GCNT2: variants seen among roughly 807,000 people sequenced by gnomAD.
The protein encoded by GCNT2 is glucosaminyl (N-acetyl) transferase 2 (I blood group).
GCNT2 carries 34 observed loss-of-function variants against 34.2 expected under a neutral mutation model. The observed-to-expected ratio is 1.00, with a 90% CI of 0.76 to 1.32. The LOEUF (loss-of-function observed/expected upper bound fraction) is 1.32. Among genes scored for constraint, GCNT2 ranks in the 40% most tolerant of loss-of-function variants. The pLI, the probability that GCNT2 is intolerant of heterozygous loss-of-function variation, is 0.00. For missense variants in GCNT2, 584 were observed against 489.4 expected, an observed-to-expected ratio of 1.19 and a Z score of -1.82; for synonymous variants, 212 against 188.0, an observed-to-expected ratio of 1.13 and a Z score of -1.04.
chr6:10,537,529 T>C (rs569328052), intron 3 of GCNT2, among the ~76,000 whole-genome samples: 7 of 151,676 alleles, frequency 4.6e-5, no homozygotes, highest in Non-Finnish European at 1.0e-4. Flanking sequence ...GGTGAAACCC[T>C]GTCTCTACTA....
At chr6:10,622,317 A>T (rs1766069100) in intron 4 of GCNT2, among the ~76,000 whole-genome samples, 1 of 152,054 alleles carries the variant, frequency 6.6e-6, no homozygotes. Context: ...ATAGAAATTT[A>T]TTTAGTTCTA....
intron 3 of GCNT2, among the ~76,000 whole-genome samples, chr6:10,620,104 CA>C (rs1242688880): frequency 6.6e-6 from 1 of 152,208 alleles, no homozygotes; most frequent in Non-Finnish European, 1.5e-5. Context: ...TGTAAAATAA[CA>C]TATTCTCAGG....
intron 3 of GCNT2, among the ~76,000 whole-genome samples, chr6:10,579,738 C>T (rs1763978531): frequency 6.6e-6 from 1 of 151,290 alleles, no homozygotes; most frequent in Non-Finnish European, 1.5e-5. Flanking sequence ...ATGGCTTGAA[C>T]CCGGAAGGCG....
chr6:10,587,401 C>T (rs141509128), intron 3 of GCNT2, among the ~76,000 whole-genome samples: 42 of 152,254 alleles, frequency 2.8e-4, no homozygotes, highest in African/African-American at 1.0e-3. Flanking sequence ...TCACAAATCA[C>T]CATTCTGGCT....
At chr6:10,563,234 G>A (rs534967926) in intron 3 of GCNT2, among the ~76,000 whole-genome samples, 2 of 152,160 alleles carry the variant, frequency 1.3e-5, no homozygotes, top group East Asian at 1.9e-4. Context: ...GGGTGTGTGA[G>A]TGGATACAAC....
intron 3 of GCNT2, among the ~76,000 whole-genome samples, chr6:10,559,425 C>T (rs886183624): frequency 4.6e-5 from 7 of 152,220 alleles, no homozygotes; most frequent in African/African-American, 1.7e-4. Context: ...CTCACTGCAA[C>T]AGTGTGGCCC....
At chr6:10,547,296 A>G (rs1762313010) in intron 3 of GCNT2, among the ~76,000 whole-genome samples, 1 of 152,216 alleles carries the variant, frequency 6.6e-6, no homozygotes, top group African/African-American at 2.4e-5. Flanking sequence ...TAGCATTACT[A>G]TTTAATCCAC....
intron 3 of GCNT2, among the ~76,000 whole-genome samples, chr6:10,574,026 C>T (rs563583391): frequency 2.6e-5 from 4 of 152,322 alleles, no homozygotes; most frequent in East Asian, 1.9e-4. Context: ...AGATTTGTCA[C>T]GTACTAATTA....
chr6:10,626,661 C>A lies in GCNT2; in HGVS notation c.*54C>A. ...GGAAACTGCAGCTGGGAAGAGGAGCCTGTTTTTGTGAGAGACTTTTGCCTT... is the reference window on the plus strand; with the variant it reads ...GGAAACTGCAGCTGGGAAGAGGAGCATGTTTTTGTGAGAGACTTTTGCCTT... On this transcript the variant is annotated 3_prime_UTR_variant, in exon 5 of 5. Coordinates refer to ENST00000495262, the MANE Select transcript of GCNT2 (RefSeq NM_145649.5). The A allele has an allele frequency of 2.2e-6, 3 of 1,374,402 alleles. No individual in the cohort carries two copies. Among genetic ancestry groups the A allele is most frequent in the Non-Finnish European group, 3.1e-6 (3 of 963,122 alleles). The allele number at this position is 1,374,402 out of a possible 1,614,324, so 85.1% of individuals were successfully genotyped here.
chr6:10,593,318 TC>T (rs1424944957), intron 3 of GCNT2, among the ~76,000 whole-genome samples: 1 of 152,168 alleles, frequency 6.6e-6, no homozygotes, highest in African/African-American at 2.4e-5. Context: ...GACAGTTTTT[TC>T]TAGAAGCAGG....
intron 3 of GCNT2, among the ~76,000 whole-genome samples, chr6:10,574,202 C>T (rs537374611): frequency 7.2e-5 from 11 of 152,256 alleles, no homozygotes; most frequent in African/African-American, 9.6e-5. Context: ...CATCTGACTG[C>T]CCTGGCATAT....
chr6:10,592,137 G>T (rs772808079), intron 3 of GCNT2, among the ~76,000 whole-genome samples: 1 of 151,118 alleles, frequency 6.6e-6, no homozygotes, highest in Non-Finnish European at 1.5e-5. Context: ...CGCTACTTGG[G>T]GGGGCTGGAG....
intron 3 of GCNT2, among the ~76,000 whole-genome samples, chr6:10,547,848 G>T (rs1762332474): frequency 6.6e-6 from 1 of 151,980 alleles, no homozygotes; most frequent in Non-Finnish European, 1.5e-5. Flanking sequence ...TATATCTCTG[G>T]GGACTTAGAT....
In GCNT2 at chr6:10,580,634, A is replaced by G. The variant is rs543186514; in HGVS notation, c.926-40717A>G. On this transcript the variant is annotated intron_variant, in intron 3 of 4. Coordinates refer to ENST00000495262, the MANE Select transcript of GCNT2 (RefSeq NM_145649.5). ...TTGCCTTAAAAAAAAAAAAGATTCA[A>G]TAGCCACTCATTCTGCAGAGGGTGA... is the stretch of plus-strand genomic sequence containing the variant. Among the ~76,000 whole-genome samples, 9 of 152,166 alleles carry G rather than the reference A, an allele frequency of 5.9e-5. No individual in the cohort carries two copies. In the South Asian group the frequency reaches 1.2e-3, roughly 21 times the overall value.
chr6:10,531,070 AG>A (rs1321196621), intron 3 of GCNT2, among the ~76,000 whole-genome samples: 3 of 151,862 alleles, frequency 2.0e-5, no homozygotes, highest in African/African-American at 7.3e-5. Flanking sequence ...TTTCTAGACT[AG>A]TACCTCCATT....
At position 10,524,567 on chromosome 6, in the gene GCNT2, G is replaced by A. The variant is rs114058219; in HGVS notation, c.-468-2907G>A. Among the ~76,000 whole-genome samples the A allele has an allele frequency of 5.9e-3, 902 of 152,228 alleles. 11 individuals are homozygous for A. The highest frequency in any genetic ancestry group is 0.02 in the African/African-American group (825 of 41,532). ...ATGCTTAAAAAGAAATAGTGATGAG[G>A]ATAAAGCAGGGTACCGAACTTGTCA... On this transcript the variant is annotated intron_variant, in intron 1 of 4. Coordinates refer to ENST00000495262, the MANE Select transcript of GCNT2 (RefSeq NM_145649.5).
intron 3 of GCNT2, among the ~76,000 whole-genome samples, chr6:10,617,368 G>C (rs1168550157): frequency 6.6e-6 from 1 of 152,150 alleles, no homozygotes; most frequent in Admixed American, 6.5e-5. Flanking sequence ...CAAGCGCTGC[G>C]CGCAGCCCTG....
At chr6:10,623,241 T>TACTTC (rs918989197) in intron 4 of GCNT2, among the ~76,000 whole-genome samples, 18 of 151,840 alleles carry the variant, frequency 1.2e-4, no homozygotes, top group Non-Finnish European at 2.4e-4. Flanking sequence ...TTAATATATT[T>TACTTC]AATCAGCCTG....
chr6:10,598,102 G>A lies in GCNT2; in HGVS notation c.926-23249G>A, dbSNP rs1298292072. Among the ~76,000 whole-genome samples the A allele has an allele frequency of 2.0e-5, 3 of 152,216 alleles. No individual in the cohort carries two copies. The East Asian group carries it at 5.8e-4, about 29-fold the overall frequency. On this transcript the variant is annotated intron_variant, in intron 3 of 4. Transcript: ENST00000495262. ...GTGTAAAATGAGGAAATTGGGCTAG[G>A]TCATCTCCGAAGAGATTCCTGTATT...
Sources: gnomAD v4.1 joint callset for allele counts (sites outside exome capture counted in the v4.1 genomes callset) on GRCh38, gnomAD v4.1.1 for gene constraint, MANE v1.5 for transcripts, NCBI Gene and HGNC (gene_info 2026-07-23, HGNC 2026-07-21) for gene names.